Variants in PALM2AKAP2 observed in about 807,000 individuals in gnomAD.
PALM2AKAP2 encodes the protein PALM2 and AKAP2 fusion, also known as PALM2-AKAP2 fusion protein.
Under a neutral mutation model 71.5 loss-of-function variants are expected in PALM2AKAP2, and 37 were observed. That is an observed-to-expected ratio of 0.52 (90% CI 0.40 to 0.68). The LOEUF (loss-of-function observed/expected upper bound fraction) is 0.68, where lower values mean the gene tolerates loss of function less well. Ranked by LOEUF, PALM2AKAP2 falls within the 30% of genes least tolerant of loss-of-function variation. PALM2AKAP2 has a pLI of 0.00. For missense variants in PALM2AKAP2, 1,224 were observed against 1,191.8 expected, an observed-to-expected ratio of 1.03 and a Z score of -0.40; for synonymous variants, 468 against 478.8, an observed-to-expected ratio of 0.98 and a Z score of 0.29.
chr9:109,686,994 A>G (rs531317098), intron 1 of PALM2AKAP2, among the ~76,000 whole-genome samples: 21 of 152,304 alleles, frequency 1.4e-4, no homozygotes, highest in African/African-American at 4.8e-4. Flanking sequence ...ATGTCCCTAC[A>G]AAGGACATGA....
At chr9:109,951,467 A>C (rs1304909768) in intron 6 of PALM2AKAP2, among the ~76,000 whole-genome samples, 2 of 152,184 alleles carry the variant, frequency 1.3e-5, no homozygotes, top group South Asian at 2.1e-4. Flanking sequence ...CTGCCTTTTC[A>C]CTGCATCTAC....
intron 7 of PALM2AKAP2, among the ~76,000 whole-genome samples, 177 bp downstream of exon 7, chr9:110,016,216 T>C (rs1310766601): frequency 6.6e-6 from 1 of 152,194 alleles, no homozygotes; most frequent in Non-Finnish European, 1.5e-5. Flanking sequence ...ATTTGGGATC[T>C]GGTCTACAGC....
At chr9:109,994,797 C>T (rs948989050) in intron 6 of PALM2AKAP2, among the ~76,000 whole-genome samples, 1 of 152,202 alleles carries the variant, frequency 6.6e-6, no homozygotes, top group African/African-American at 2.4e-5. Flanking sequence ...CCCCCTTGCT[C>T]TCTGACTCTG....
intron 1 of PALM2AKAP2, among the ~76,000 whole-genome samples, chr9:110,056,141 G>A (rs1833834854): frequency 6.6e-6 from 1 of 152,198 alleles, no homozygotes; most frequent in Admixed American, 6.5e-5. Context: ...CTCATCCAGA[G>A]TCCTCCTGAG....
exon 2 of PALM2AKAP2, chr9:110,136,405 A>G (rs1212965411): frequency 6.2e-7 from 1 of 1,614,098 alleles, no homozygotes; most frequent in African/African-American, 1.3e-5. Context: ...TCCGCTATCT[A>G]GATGAGGTGC....
At chr9:109,958,994 G>A (rs181314108) in intron 6 of PALM2AKAP2, among the ~76,000 whole-genome samples, 11 of 152,236 alleles carry the variant, frequency 7.2e-5, no homozygotes, top group South Asian at 2.1e-4. Flanking sequence ...GAACAGAATC[G>A]TCTTTGCCTG....
intron 1 of PALM2AKAP2, chr9:110,048,949 A>G: frequency 7.2e-7 from 1 of 1,380,392 alleles, no homozygotes; most frequent in Non-Finnish European, 9.4e-7. Flanking sequence ...AGGGCTGGAA[A>G]TCTGGGAGTC....
intron 1 of PALM2AKAP2, among the ~76,000 whole-genome samples, chr9:109,852,098 A>G (rs1248634346): frequency 2.6e-5 from 4 of 152,060 alleles, no homozygotes; most frequent in Non-Finnish European, 5.9e-5. Context: ...ATTAAAGAAT[A>G]TTTATTTATT....
chr9:109,846,789 A>G (rs1407148462), intron 1 of PALM2AKAP2, among the ~76,000 whole-genome samples: 2 of 152,236 alleles, frequency 1.3e-5, no homozygotes, highest in African/African-American at 4.8e-5. Flanking sequence ...AGAGTACACT[A>G]GTTGAAGAAT....
At chr9:109,721,272 C>T (rs1457208390) in intron 1 of PALM2AKAP2, among the ~76,000 whole-genome samples, 3 of 152,134 alleles carry the variant, frequency 2.0e-5, no homozygotes, top group Admixed American at 2.0e-4. Flanking sequence ...ACTGTGAAGG[C>T]TCAGCAAGAC....
intron 6 of PALM2AKAP2, among the ~76,000 whole-genome samples, chr9:109,996,092 C>T (rs1321764133): frequency 6.6e-6 from 1 of 152,186 alleles, no homozygotes; most frequent in Non-Finnish European, 1.5e-5. Flanking sequence ...CCTGTCACCA[C>T]CTGCTGTTTT....
intron 1 of PALM2AKAP2, among the ~76,000 whole-genome samples, chr9:109,713,053 T>G (rs1828264973): frequency 6.6e-6 from 1 of 152,232 alleles, no homozygotes; most frequent in Non-Finnish European, 1.5e-5. Context: ...CAGAGCATGT[T>G]AGAATCTCTC....
chr9:109,667,293 A>G (rs908181356), intron 1 of PALM2AKAP2, among the ~76,000 whole-genome samples: 1 of 152,054 alleles, frequency 6.6e-6, no homozygotes, highest in Non-Finnish European at 1.5e-5. Context: ...CACAGACACC[A>G]CCCTACTGAC....
At chr9:110,063,384 T>C (rs1284325974) in intron 1 of PALM2AKAP2, among the ~76,000 whole-genome samples, 1 of 152,094 alleles carries the variant, frequency 6.6e-6, no homozygotes, top group Non-Finnish European at 1.5e-5. Flanking sequence ...GGGTGTCTTC[T>C]CCCAGTGTCT....
chr9:109,777,591 A>T (rs1197488791), upstream of PALM2AKAP2, among the ~76,000 whole-genome samples: 1 of 152,070 alleles, frequency 6.6e-6, no homozygotes. Context: ...TTTATTTTCA[A>T]CATTCACTTG....
At chr9:109,792,666 G>A (rs965288554) in intron 1 of PALM2AKAP2, among the ~76,000 whole-genome samples, 3 of 151,920 alleles carry the variant, frequency 2.0e-5, no homozygotes, top group Non-Finnish European at 4.4e-5. Flanking sequence ...CATGAAACTT[G>A]GGTTCCCAGC....
intron 3 of PALM2AKAP2, among the ~76,000 whole-genome samples, chr9:109,887,461 A>T (rs1413920709): frequency 6.6e-6 from 1 of 152,214 alleles, no homozygotes; most frequent in Non-Finnish European, 1.5e-5. Flanking sequence ...TTCCTTCCAA[A>T]ATAAAACTAT....
chr9:110,167,477 T>TGATG (rs57707242), intron 3 of PALM2AKAP2, among the ~76,000 whole-genome samples: 3 of 65,298 alleles, frequency 4.6e-5, no homozygotes, highest in African/African-American at 2.0e-4. Flanking sequence ...CTGGAATCTC[T>TGATG]TCTTGATCAA....
At chr9:109,678,816 G>T (rs1345995800) in intron 1 of PALM2AKAP2, among the ~76,000 whole-genome samples, 2 of 152,146 alleles carry the variant, frequency 1.3e-5, no homozygotes, top group Non-Finnish European at 2.9e-5. Context: ...TGTAATGGAT[G>T]ATAAGTCATA....
Sources: allele counts gnomAD v4.1 joint callset (sites outside exome capture counted in the v4.1 genomes callset), GRCh38; gene constraint gnomAD v4.1.1; transcripts MANE v1.5; gene names NCBI Gene and HGNC (gene_info 2026-07-23, HGNC 2026-07-21).